TRAPPC8: variants seen among roughly 807,000 people sequenced by gnomAD.
TRAPPC8 encodes trafficking protein particle complex subunit 8, also known as general sporulation gene 1 homolog.
In TRAPPC8, 54 loss-of-function variants were observed where a neutral mutation model predicts 174.3. The ratio of observed to expected loss-of-function variants is 0.31; its 90% CI spans 0.25 to 0.39. TRAPPC8 has a LOEUF of 0.39. Ranked by LOEUF, TRAPPC8 falls within the 10% of genes least tolerant of loss-of-function variation. TRAPPC8 has a pLI of 1.00. For missense variants in TRAPPC8, 1,531 were observed against 1,699.1 expected (o/e 0.90, Z 1.74); for synonymous variants, 630 against 579.9 (o/e 1.09, Z -1.24).
chr18:31,919,764 G>A lies in TRAPPC8; in HGVS notation c.353-2097C>T, dbSNP rs966584124. ...TAGTCCCAGCTACTCGAGAGGCTGA[G>A]GTGGGAGGATCACCTGAGCCCAGGA... On this transcript the variant is annotated intron_variant, in intron 2 of 28. Transcript: ENST00000283351. Among the ~76,000 whole-genome samples the A allele has an allele frequency of 4.6e-5, 7 of 151,738 alleles. No individual in the cohort carries two copies. The South Asian group carries it at 1.0e-3, about 22-fold the overall frequency.
chr18:31,868,945 G>GA (rs967085234), intron 16 of TRAPPC8, among the ~76,000 whole-genome samples: 4 of 150,696 alleles, frequency 2.7e-5, no homozygotes, highest in African/African-American at 7.3e-5. Context: ...AGGCAATCTT[G>GA]AAAAAATCAA....
intron 10 of TRAPPC8, among the ~76,000 whole-genome samples, chr18:31,898,608 A>AT (rs1385688230): frequency 6.6e-6 from 1 of 152,180 alleles, no homozygotes; most frequent in African/African-American, 2.4e-5. Flanking sequence ...ATATTTAGGT[A>AT]TTTTCCCCCT....
At position 31,830,931 on chromosome 18, in the gene TRAPPC8, G is replaced by A; in HGVS notation, c.4132C>T (p.Leu1378Phe). 6.2e-7 allele frequency: 1 copy of A among 1,614,188 alleles called. No homozygotes were observed. The highest frequency in any genetic ancestry group is 1.1e-5 in the South Asian group (1 of 91,090). The part of the protein sequence containing the change: ...FTWLGQTQYK[L>F]QLKSQEIHSL... ...TGAATCTCCTGGCTTTTAAGTTGAA[G>A]TTTATACTGTGTTTGTCCAAGCCAT... Residue 1378 changes from leucine (L) to phenylalanine (F), a missense_variant, in exon 29 of 29, where the codon CTT becomes TTT. By Grantham distance (22) the Leu-to-Phe change is conservative. Transcript: ENST00000283351.
At chr18:31,856,122 TG>T (rs1186359384) in intron 20 of TRAPPC8, among the ~76,000 whole-genome samples, 1 of 152,034 alleles carries the variant, frequency 6.6e-6, no homozygotes, top group African/African-American at 2.4e-5. Context: ...CTTTTTTTTT[TG>T]AGACAGAGTC....
At chr18:31,884,815 T>C (rs1275505065) in intron 12 of TRAPPC8, among the ~76,000 whole-genome samples, 1 of 151,826 alleles carries the variant, frequency 6.6e-6, no homozygotes, top group East Asian at 1.9e-4. Flanking sequence ...GAGACCACGC[T>C]GGGCAACACA....
chr18:31,877,738 A>G (rs888117831), intron 12 of TRAPPC8, among the ~76,000 whole-genome samples: 1 of 151,862 alleles, frequency 6.6e-6, no homozygotes, highest in African/African-American at 2.4e-5. Context: ...AGCCTGACCA[A>G]CATGGTGAAA....
At chr18:31,885,093 G>T (rs949542017) in intron 12 of TRAPPC8, among the ~76,000 whole-genome samples, 83 of 152,106 alleles carry the variant, frequency 5.5e-4, no homozygotes, top group African/African-American at 2.0e-3. Context: ...TCCTGACCTC[G>T]TGATCCGCCT....
At chr18:31,907,780 AG>A (rs2145478917) in intron 8 of TRAPPC8, among the ~76,000 whole-genome samples, 170 bp from the exon 9 acceptor site, 1 of 152,338 alleles carries the variant, frequency 6.6e-6, no homozygotes, top group South Asian at 2.1e-4. Context: ...ACCTGGAAAC[AG>A]AAAGTTCCTT....
intron 21 of TRAPPC8, among the ~76,000 whole-genome samples, chr18:31,855,184 G>C (rs56260330): frequency 0.14 from 20,669 of 149,514 alleles, 1,771 homozygotes; most frequent in South Asian, 0.3. Context: ...TGTCTACAAA[G>C]AAAAAAGAAA....
intron 18 of TRAPPC8, 129 bp from the exon 19 acceptor site, chr18:31,864,910 T>C (rs2034514349): frequency 9.9e-6 from 8 of 810,096 alleles, no homozygotes; most frequent in South Asian, 2.0e-5. Context: ...TTGATTAACA[T>C]GATTAATCAA....
intron 16 of TRAPPC8, among the ~76,000 whole-genome samples, chr18:31,869,258 G>C (rs931883801): frequency 6.6e-6 from 1 of 151,960 alleles, no homozygotes; most frequent in Admixed American, 6.6e-5. Flanking sequence ...ATATAAATGA[G>C]GTTTTGAATA....
chr18:31,865,253 C>T (rs2034530319), intron 18 of TRAPPC8, among the ~76,000 whole-genome samples: 1 of 152,028 alleles, frequency 6.6e-6, no homozygotes, highest in Non-Finnish European at 1.5e-5. Context: ...ACTGAATCTT[C>T]TCAAGAGACT....
At chr18:31,885,450 G>A (rs1398369416) in intron 12 of TRAPPC8, among the ~76,000 whole-genome samples, 1 of 152,140 alleles carries the variant, frequency 6.6e-6, no homozygotes, top group Non-Finnish European at 1.5e-5. Context: ...TGAGATGACT[G>A]TCAAAATCTG....
intron 15 of TRAPPC8, 64 bp downstream of exon 15, chr18:31,870,862 A>G (rs1229093393): frequency 7.4e-7 from 1 of 1,348,096 alleles, no homozygotes; most frequent in Non-Finnish European, 9.8e-7. Flanking sequence ...CAAACAATAA[A>G]TTATCTTCAT....
At chr18:31,851,909 C>T (rs1245067853) in intron 24 of TRAPPC8, among the ~76,000 whole-genome samples, 2 of 152,124 alleles carry the variant, frequency 1.3e-5, no homozygotes, top group African/African-American at 4.8e-5. Flanking sequence ...ATACTTACTT[C>T]ATACGATAGT....
chr18:31,861,811 C>G (rs369644293), intron 19 of TRAPPC8, among the ~76,000 whole-genome samples: 1 of 151,380 alleles, frequency 6.6e-6, no homozygotes, highest in African/African-American at 2.4e-5. Flanking sequence ...TGGTGGCATC[C>G]ACCTGTAGTC....
chr18:31,923,895 C>G (rs2037495350), intron 2 of TRAPPC8, among the ~76,000 whole-genome samples: 1 of 152,148 alleles, frequency 6.6e-6, no homozygotes, highest in African/African-American at 2.4e-5. Context: ...GCCTGTAATC[C>G]CAGCACTTTG....
chr18:31,931,287 C>G lies in TRAPPC8; in HGVS notation c.352+42G>C, dbSNP rs199836615. 2.7e-4 allele frequency: 398 copies of G among 1,460,250 alleles called. 1 individual carries two copies. The African/African-American group carries it at 5.2e-3, about 19-fold the overall frequency. The allele number at this position is 1,460,250 out of a possible 1,614,324, so 90.5% of individuals were successfully genotyped here. The stretch of plus-strand genomic sequence containing the variant: ...CATAGAATCGCTTTTTCTAACAAAA[C>G]GAAATTTCACTCAAAAAATAACAAT... On this transcript the variant is annotated intron_variant, in intron 2 of 28. Transcript: ENST00000283351.
chr18:31,839,301 A>G lies in TRAPPC8; in HGVS notation c.3983+11T>C. On this transcript the variant is annotated intron_variant, in intron 27 of 28. Transcript: ENST00000283351. ...TGTAGAAAATTTTGGTAACAAAAAT[A>G]AAGCTCAAACCTTTTTTGATGAAAT... 6.3e-7 allele frequency: 1 copy of G among 1,587,136 alleles called. No homozygotes were observed. The highest frequency in any genetic ancestry group is 8.5e-7 in the Non-Finnish European group (1 of 1,170,178).
Sources: allele counts gnomAD v4.1 joint callset (sites outside exome capture counted in the v4.1 genomes callset), GRCh38; gene constraint gnomAD v4.1.1; transcripts MANE v1.5; gene names NCBI Gene and HGNC (gene_info 2026-07-23, HGNC 2026-07-21).